The following HSP90B1 variants were observed in gnomAD, a reference collection of about 807,000 sequenced individuals.
HSP90B1 encodes endoplasmin.
HSP90B1 carries 27 observed loss-of-function variants against 100.4 expected under a neutral mutation model. The observed-to-expected ratio is 0.27, with a 90% CI of 0.20 to 0.37. The LOEUF (loss-of-function observed/expected upper bound fraction) is 0.37. Among genes scored for constraint, HSP90B1 ranks in the 10% least tolerant of loss-of-function variants. HSP90B1 has a pLI of 1.00. For missense variants in HSP90B1, 678 were observed against 960.5 expected, an observed-to-expected ratio of 0.71 and a Z score of 3.89; for synonymous variants, 304 against 330.8, an observed-to-expected ratio of 0.92 and a Z score of 0.88.
chr12:103,947,067 A>G, intron 16 of HSP90B1, 126 bp downstream of exon 16: 1 of 1,146,124 alleles, frequency 8.7e-7, no homozygotes, highest in Non-Finnish European at 1.2e-6. Flanking sequence ...CTTTTGAAAG[A>G]ATTTTATTGA....
At chr12:103,942,198 T>C (rs575665677) in intron 11 of HSP90B1, among the ~76,000 whole-genome samples, 11 of 152,224 alleles carry the variant, frequency 7.2e-5, no homozygotes, top group Non-Finnish European at 1.6e-4. Context: ...TCCCCTCCAA[T>C]ACTTCCATAA....
rs767705911 is a variant in HSP90B1, at chr12:103,946,704, T to C, written c.2106+8T>C. 5 of 1,613,430 alleles carry C rather than the reference T, an allele frequency of 3.1e-6. No individual in the cohort carries two copies. In the Admixed American group the frequency reaches 6.7e-5, roughly 22 times the overall value. On this transcript the variant is annotated splice_region_variant and intron_variant, in intron 15 of 17. Coordinates refer to ENST00000299767, the MANE Select transcript of HSP90B1 (RefSeq NM_003299.3). ...ATGCTTCGACGAATTAAGGTAGTAT[T>C]AAAGCAGTCCTCTTGCTTGTCTTTT...
intron 8 of HSP90B1, among the ~76,000 whole-genome samples, 169 bp from the exon 9 acceptor site, chr12:103,941,241 T>C (rs535035433): frequency 3.9e-5 from 6 of 152,264 alleles, no homozygotes; most frequent in East Asian, 1.9e-4. Flanking sequence ...CACCCTTTTC[T>C]TTCTCTTCCC....
chr12:103,945,514 A>C (rs17034977), intron 14 of HSP90B1, among the ~76,000 whole-genome samples: 12,864 of 152,192 alleles, frequency 0.085, 721 homozygotes, highest in East Asian at 0.21. Flanking sequence ...AGATAAAGTT[A>C]ATTTTTCTTG....
chr12:103,941,039 G>T (rs1054589212), intron 8 of HSP90B1, among the ~76,000 whole-genome samples: 4 of 152,262 alleles, frequency 2.6e-5, no homozygotes, highest in Non-Finnish European at 5.9e-5. Flanking sequence ...GTAGTTCAAG[G>T]GCACACTGAA....
At chr12:103,933,896 T>C in intron 4 of HSP90B1, 60 bp from the exon 5 acceptor site, 1 of 1,381,940 alleles carries the variant, frequency 7.2e-7, no homozygotes, top group Non-Finnish European at 1.0e-6. Context: ...AGTTCCTCAA[T>C]ATTTGTTTGG....
rs1023329350 is a variant in HSP90B1 at position 103,931,139 on chromosome 12, T to C, written c.50-382T>C. 4.6e-5 allele frequency among the ~76,000 whole-genome samples: 7 copies of C among 152,336 alleles called. No homozygotes were observed. The South Asian group carries it at 1.4e-3, about 32-fold the overall frequency. Reference sequence around the variant, plus strand: ...TCGCCAGAGGTTGCATAAATCCTATTTGCATTCTGACCTGTGCTAACGAAG... The same window carrying C: ...TCGCCAGAGGTTGCATAAATCCTATCTGCATTCTGACCTGTGCTAACGAAG... On this transcript the variant is annotated intron_variant, in intron 1 of 17. Transcript: ENST00000299767.
chr12:103,941,569 G>A lies in HSP90B1; in HGVS notation c.1230+22G>A, dbSNP rs1171837719. On this transcript the variant is annotated intron_variant, in intron 9 of 17. Coordinates refer to ENST00000299767, the MANE Select transcript of HSP90B1 (RefSeq NM_003299.3). Reference sequence around the variant, plus strand: ...TAAGGTGAGTTTTTAAGTAGTACATGCTGCGTTTAAAATTTGAAAGTTTAA... The same window carrying A: ...TAAGGTGAGTTTTTAAGTAGTACATACTGCGTTTAAAATTTGAAAGTTTAA... The A allele has an allele frequency of 7.4e-6, 12 of 1,613,900 alleles. 1 individual carries two copies. The highest frequency in any genetic ancestry group is 9.3e-6 in the Non-Finnish European group (11 of 1,179,928).
chr12:103,947,369 CAG>C lies in HSP90B1; in HGVS notation c.2324_2325del (p.Glu775AlafsTer5). 3.7e-6 allele frequency: 6 copies of C among 1,608,144 alleles called. No individual in the cohort carries two copies. The highest frequency in any genetic ancestry group is 5.1e-6 in the Non-Finnish European group (6 of 1,174,894). On this transcript the variant is annotated frameshift_variant, in exon 17 of 18. Coordinates refer to ENST00000299767, the MANE Select transcript of HSP90B1 (RefSeq NM_003299.3). LOFTEE classifies it high-confidence loss of function. ...ACAGCAGAAGACACAACAGAAGACACAGAGCAAGACGAAGATGAAGAAATGGA... is the reference window on the plus strand; with the variant it reads ...ACAGCAGAAGACACAACAGAAGACACAGCAAGACGAAGATGAAGAAATGGA...
At chr12:103,946,507 A>ATT in intron 14 of HSP90B1, 111 bp from the exon 15 acceptor site, 40 of 610,266 alleles carry the variant, frequency 6.6e-5, no homozygotes, top group South Asian at 9.2e-5. Context: ...GTACATTTTG[A>ATT]TTTTTTTTTT....
rs780752923 is a variant in HSP90B1, at chr12:103,946,795, G to A, written c.2116G>A (p.Asp706Asn). 6.2e-7 allele frequency: 1 copy of A among 1,613,942 alleles called. No individual in the cohort carries two copies. ...DMLRRIKEDE[D>N]DKTVLDLAVV... is the part of the protein sequence containing the mutation. ...TCTTCTTGCATTTCAGGAAGATGAA[G>A]ATGATAAAACAGTTTTGGATCTTGC... Residue 706 changes from aspartate (D) to asparagine (N), a missense_variant, in exon 16 of 18, where the codon GAT becomes AAT. This residue lies in a region of HSP90B1 where 64 missense variants were observed against 66.4 expected (regional missense o/e 0.96). Coordinates refer to ENST00000299767, the MANE Select transcript of HSP90B1 (RefSeq NM_003299.3).
At chr12:103,932,993 G>T (rs779149371) in intron 4 of HSP90B1, 51 bp downstream of exon 4, 1 of 938,450 alleles carries the variant, frequency 1.1e-6, no homozygotes, top group South Asian at 1.3e-5. Context: ...AATCCTTAAA[G>T]GTAGAGGATC....
In HSP90B1 at chr12:103,931,614, T is replaced by C. The variant is rs1425862457; in HGVS notation, c.143T>C (p.Val48Ala). ...GAAGGATCAAGGACGGATGATGAAG[T>C]AGTACAGAGGTTTGTGTTCATTTGA... Reference protein sequence around the residue: ...SREGSRTDDEVVQREEEAIQL... With the variant: ...SREGSRTDDEAVQREEEAIQL... Residue 48 changes from valine (V) to alanine (A), a missense_variant, in exon 2 of 18, where the codon GTA (valine) becomes GCA (alanine). By Grantham distance (64) the Val-to-Ala change is moderately conservative. Transcript: ENST00000299767. The C allele has an allele frequency of 1.2e-6, 2 of 1,610,196 alleles. No homozygotes were observed. The highest frequency in any genetic ancestry group is 1.7e-6 in the Non-Finnish European group (2 of 1,176,566).
Position 103,943,438 on chromosome 12 carries a change from A to T in HSP90B1, c.1890+119A>T. The T allele has an allele frequency of 1.1e-6, 1 of 892,404 alleles. No homozygotes were observed. Among genetic ancestry groups the T allele is most frequent in the Non-Finnish European group, 1.7e-6 (1 of 606,056 alleles). The allele number at this position is 892,404 out of a possible 1,614,324, so 55.3% of individuals were successfully genotyped here. A position where few individuals can be genotyped will look rare whatever the true frequency, so the allele number is the denominator to read the frequency against. ...TAACCATTAGAATGGTAAAAATTTA[A>T]TTAATGTAATTAAATTATTGGGAGA... On this transcript the variant is annotated intron_variant, in intron 13 of 17. Coordinates refer to ENST00000299767, the MANE Select transcript of HSP90B1 (RefSeq NM_003299.3). The surrounding 1 kb of genome is among the most constrained non-coding windows in gnomAD (Gnocchi z 5.3).
chr12:103,939,484 T>A, intron 7 of HSP90B1, 25 bp from the exon 8 acceptor site: 1 of 1,080,702 alleles, frequency 9.3e-7, no homozygotes, highest in Non-Finnish European at 1.4e-6. Flanking sequence ...TGAGAGAGAC[T>A]AATCAAATAC....
rs1420708420 is a variant in HSP90B1, at chr12:103,935,063, G to A, written c.743+776G>A. On this transcript the variant is annotated intron_variant, in intron 5 of 17. Transcript: ENST00000299767. Reference sequence around the variant, plus strand: ...TGGAGGATGTGAGGAGTGGACAAGGGGAGACTCTTTGGGGGAAATATTCCT... The same window carrying A: ...TGGAGGATGTGAGGAGTGGACAAGGAGAGACTCTTTGGGGGAAATATTCCT... 2.6e-5 allele frequency among the ~76,000 whole-genome samples: 4 copies of A among 152,146 alleles called. No homozygotes were observed. In the East Asian group the frequency reaches 7.7e-4, roughly 29 times the overall value.
chr12:103,931,236 G>A (rs1869748960), intron 1 of HSP90B1, among the ~76,000 whole-genome samples: 1 of 152,166 alleles, frequency 6.6e-6, no homozygotes, highest in East Asian at 1.9e-4. Context: ...GTGTAGAAGA[G>A]GCCTGGTATC....
At chr12:103,938,627 C>G in intron 7 of HSP90B1, 168 bp downstream of exon 7, 1 of 563,212 alleles carries the variant, frequency 1.8e-6, no homozygotes, top group Non-Finnish European at 3.0e-6. Context: ...AATACATTGT[C>G]CTGTAGAAAG....
Position 103,930,494 on chromosome 12 carries a change from T to G in HSP90B1, c.-22T>G, listed in dbSNP as rs1427908536. The G allele has an allele frequency of 6.3e-7, 1 of 1,599,870 alleles. No homozygotes were observed. Among genetic ancestry groups the G allele is most frequent in the Non-Finnish European group, 8.5e-7 (1 of 1,173,276 alleles). Reference sequence around the variant, plus strand: ...GCGGCTCCTGCGATCGAAGGGGACTTGAGACTCACCGGCCGCACGCCATGA... The same window carrying G: ...GCGGCTCCTGCGATCGAAGGGGACTGGAGACTCACCGGCCGCACGCCATGA... On this transcript the variant is annotated 5_prime_UTR_variant, in exon 1 of 18. Transcript: ENST00000299767. The surrounding 1 kb of genome is among the most constrained non-coding windows in gnomAD (Gnocchi z 4.4).
Sources: gnomAD v4.1 joint callset for allele counts (sites outside exome capture counted in the v4.1 genomes callset) on GRCh38, gnomAD v4.1.1 for gene constraint, gnomAD v4.1.1 regional missense constraint, Gnocchi (gnomAD v3.1) non-coding constraint, MANE v1.5 for transcripts, NCBI Gene and HGNC (gene_info 2026-07-23, HGNC 2026-07-21) for gene names.